Variants in OTOA observed in about 807,000 individuals in gnomAD.
OTOA encodes otoancorin.
A neutral mutation model predicts 110.8 loss-of-function variants in OTOA; 70 were observed. The ratio of observed to expected loss-of-function variants is 0.63; its 90% CI spans 0.52 to 0.77. OTOA has a LOEUF of 0.77. OTOA is among the 30% of genes least tolerant of loss of function. The pLI, the probability that OTOA is intolerant of heterozygous loss-of-function variation, is 0.00. For synonymous variants in OTOA, 373 were observed against 431.5 expected, an observed-to-expected ratio of 0.86 and a Z score of 1.68; for missense variants, 917 against 1,075.8, an observed-to-expected ratio of 0.85 and a Z score of 2.06.
chr16:21,730,729 A>G (rs959119071), intron 20 of OTOA, 108 bp from the exon 21 acceptor site: 5 of 849,428 alleles, frequency 5.9e-6, no homozygotes, highest in Non-Finnish European at 9.7e-6. Context: ...TGTGATTGAC[A>G]TGAGTATAAG....
intron 1 of OTOA, among the ~76,000 whole-genome samples, chr16:21,676,645 A>C (rs1966858343): frequency 6.6e-6 from 1 of 152,202 alleles, no homozygotes; most frequent in African/African-American, 2.4e-5. Flanking sequence ...AAGGTAGATA[A>C]ATATTCAGCC....
chr16:21,705,670 G>C (rs564727965), intron 12 of OTOA, among the ~76,000 whole-genome samples: 1 of 152,230 alleles, frequency 6.6e-6, no homozygotes, highest in East Asian at 1.9e-4. Context: ...AAAATGGCTG[G>C]GCACGGTGGT....
chr16:21,725,524 G>T (rs1433587174), intron 18 of OTOA, among the ~76,000 whole-genome samples: 1 of 151,886 alleles, frequency 6.6e-6, no homozygotes, highest in Admixed American at 6.6e-5. Context: ...CTGATCTCAG[G>T]TGACCCACCT....
At chr16:21,685,882 A>G (rs541144120) in intron 7 of OTOA, among the ~76,000 whole-genome samples, 2 of 152,280 alleles carry the variant, frequency 1.3e-5, no homozygotes, top group East Asian at 3.9e-4. Context: ...GTACTAAGAA[A>G]TGACGGGTCC....
At chr16:21,681,078 AC>A (rs1966885903) in intron 5 of OTOA, among the ~76,000 whole-genome samples, 1 of 152,140 alleles carries the variant, frequency 6.6e-6, no homozygotes, top group African/African-American at 2.4e-5. Context: ...CACACTCCTA[AC>A]TATGCTATTC....
intron 10 of OTOA, among the ~76,000 whole-genome samples, chr16:21,698,219 T>C (rs529476714): frequency 6.6e-6 from 1 of 152,306 alleles, no homozygotes; most frequent in East Asian, 1.9e-4. Flanking sequence ...GGACAAAAGA[T>C]ATAAAGTTTC....
intron 14 of OTOA, among the ~76,000 whole-genome samples, chr16:21,716,356 G>A (rs1381989411): frequency 6.6e-6 from 1 of 152,182 alleles, no homozygotes; most frequent in Non-Finnish European, 1.5e-5. Context: ...CGGATCATGA[G>A]GTTAGGAGAT....
intron 28 of OTOA, among the ~76,000 whole-genome samples, chr16:21,759,472 A>ATTTT (rs1182150346): frequency 1.4e-4 from 17 of 125,656 alleles, no homozygotes; most frequent in African/African-American, 3.5e-4. Context: ...AGTTGTTTCT[A>ATTTT]TTTTTTTTTT....
chr16:21,695,885 A>ATTTTTTTTTTTT (rs1216474654), intron 9 of OTOA, among the ~76,000 whole-genome samples: 1 of 50,504 alleles, frequency 2.0e-5, no homozygotes, highest in Non-Finnish European at 3.6e-5. Flanking sequence ...ATATATATAT[A>ATTTTTTTTTTTT]TATATATTTT....
chr16:21,694,060 C>G (rs1037138523), intron 9 of OTOA, among the ~76,000 whole-genome samples: 2 of 152,128 alleles, frequency 1.3e-5, no homozygotes, highest in Non-Finnish European at 2.9e-5. Flanking sequence ...CCCAGTAAAG[C>G]TTTACTAATG....
intron 18 of OTOA, 71 bp from the exon 19 acceptor site, chr16:21,726,452 C>T (rs1462465653): frequency 1.2e-5 from 19 of 1,589,536 alleles, no homozygotes; most frequent in East Asian, 4.5e-5. Flanking sequence ...CTTGGGCAGG[C>T]GGACCCTGAT....
At chr16:21,708,702 GC>G (rs577315365) in intron 12 of OTOA, among the ~76,000 whole-genome samples, 3 of 152,118 alleles carry the variant, frequency 2.0e-5, no homozygotes, top group Non-Finnish European at 2.9e-5. Flanking sequence ...TCACTCTGCT[GC>G]CCCCCAGTGG....
chr16:21,759,027 A>C (rs1238979852), intron 28 of OTOA, among the ~76,000 whole-genome samples: 4 of 151,998 alleles, frequency 2.6e-5, no homozygotes, highest in African/African-American at 2.4e-5. Flanking sequence ...AACAAAAAAA[A>C]CTTTCCATTG....
intron 13 of OTOA, among the ~76,000 whole-genome samples, chr16:21,712,738 G>C (rs992177277): frequency 6.6e-6 from 1 of 151,576 alleles, no homozygotes; most frequent in Non-Finnish European, 1.5e-5. Flanking sequence ...CCAGCTACTC[G>C]GGAGGCTGAG....
At chr16:21,694,092 T>A (rs995664879) in intron 9 of OTOA, among the ~76,000 whole-genome samples, 13 of 152,088 alleles carry the variant, frequency 8.5e-5, no homozygotes, top group Non-Finnish European at 1.3e-4. Flanking sequence ...TTGCATAATT[T>A]TCATGTGTCA....
chr16:21,680,295 T>C (rs1966879044), intron 5 of OTOA, among the ~76,000 whole-genome samples: 1 of 151,874 alleles, frequency 6.6e-6, no homozygotes, highest in Admixed American at 6.6e-5. Flanking sequence ...GGGCGGATCA[T>C]GAAGTCAGGA....
At position 21,754,830 on chromosome 16, in the gene OTOA, C is replaced by CA. The variant is rs1170739504; in HGVS notation, c.3153+1709dup. Among the ~76,000 whole-genome samples, 3 of 26,496 alleles carry CA rather than the reference C, an allele frequency of 1.1e-4. 1 individual carries two copies. 17.4% of individuals were successfully genotyped at this position (26,496 alleles called of 152,430 possible). A position where few individuals can be genotyped will look rare whatever the true frequency, so the allele number is the denominator to read the frequency against. On this transcript the variant is annotated intron_variant, in intron 27 of 28. Coordinates refer to ENST00000646100, the MANE Select transcript of OTOA (RefSeq NM_144672.4). ...AATAGCAGTCCTCAAAGCCATTGAGCAAATACCTGCTTCCCCTCTGGGGCA... is the reference window on the plus strand; with the variant it reads ...AATAGCAGTCCTCAAAGCCATTGAGCAAAATACCTGCTTCCCCTCTGGGGCA...
intron 7 of OTOA, 30 bp from the exon 8 acceptor site, chr16:21,687,383 A>G: frequency 6.2e-7 from 1 of 1,603,438 alleles, no homozygotes; most frequent in Non-Finnish European, 8.5e-7. Context: ...GCAGCTCTCA[A>G]ACTGACCCTG....
chr16:21,685,485 C>T (rs776408778), intron 7 of OTOA, 124 bp downstream of exon 7: 17 of 1,377,898 alleles, frequency 1.2e-5, no homozygotes, highest in Non-Finnish European at 1.7e-5. Context: ...CTCCTTCTGC[C>T]TCCTCCAACC....
Sources: gnomAD v4.1 joint callset for allele counts (sites outside exome capture counted in the v4.1 genomes callset) on GRCh38, gnomAD v4.1.1 for gene constraint, MANE v1.5 for transcripts, NCBI Gene and HGNC (gene_info 2026-07-23, HGNC 2026-07-21) for gene names.